The following NPAS3 variants were observed in gnomAD, a reference collection of about 807,000 sequenced individuals.
NPAS3 encodes neuronal PAS domain protein 3, also known as neuronal PAS domain-containing protein 3.
In NPAS3, 14 loss-of-function variants were observed where a neutral mutation model predicts 73.1. The ratio of observed to expected loss-of-function variants is 0.19; its 90% confidence interval spans 0.13 to 0.30. The LOEUF (loss-of-function observed/expected upper bound fraction) is 0.30. NPAS3 is among the 10% of genes least tolerant of loss of function. The pLI, the probability that NPAS3 is intolerant of heterozygous loss-of-function variation, is 1.00. For missense variants in NPAS3, 1,096 were observed against 1,250.0 expected, an observed-to-expected ratio of 0.88 and a Z score of 1.86; for synonymous variants, 620 against 541.5, an observed-to-expected ratio of 1.14 and a Z score of -2.01.
chr14:33,768,717 A>C (rs75880787), intron 7 of NPAS3, among the ~76,000 whole-genome samples: 2,482 of 152,314 alleles, frequency 0.016, 69 homozygotes, highest in African/African-American at 0.057. Flanking sequence ...AAGACTTGCC[A>C]AAGTTACCAG....
At chr14:32,998,335 C>T (rs970801249) in intron 1 of NPAS3, among the ~76,000 whole-genome samples, 1 of 152,114 alleles carries the variant, frequency 6.6e-6, no homozygotes, top group Non-Finnish European at 1.5e-5. Flanking sequence ...TAAATCTATA[C>T]AGACAGAACA....
At chr14:33,367,376 G>T in intron 4 of NPAS3, 108 bp downstream of exon 4, 4 of 546,548 alleles carry the variant, frequency 7.3e-6, no homozygotes, top group South Asian at 3.0e-5. Context: ...ATATTTGACT[G>T]TTGTGATTTT....
At chr14:33,056,095 C>G in intron 2 of NPAS3, 101 bp downstream of exon 2, 1 of 502,406 alleles carries the variant, frequency 2.0e-6, no homozygotes, top group South Asian at 3.5e-5. Flanking sequence ...TTCTTTTTAT[C>G]TAATTTAGTG....
chr14:33,650,741 C>CCTCT (rs10658218), intron 5 of NPAS3, among the ~76,000 whole-genome samples: 1,504 of 148,402 alleles, frequency 0.01, 11 homozygotes, highest in Middle Eastern at 0.031. Flanking sequence ...AAAATCTTTT[C>CCTCT]CTCTCTCTCT....
chr14:33,108,321 G>A (rs993252696), intron 2 of NPAS3, among the ~76,000 whole-genome samples: 16 of 151,310 alleles, frequency 1.1e-4, no homozygotes, highest in Admixed American at 3.3e-4. Flanking sequence ...AGCCTCCCAA[G>A]TAGCTGGGAC....
At chr14:33,086,004 C>A (rs2042013350) in intron 2 of NPAS3, among the ~76,000 whole-genome samples, 1 of 152,070 alleles carries the variant, frequency 6.6e-6, no homozygotes, top group South Asian at 2.1e-4. Context: ...TGTCTCTTGG[C>A]ATATTTTACA....
exon 3 of NPAS3, chr14:33,215,374 C>A (rs2047183010): frequency 3.1e-6 from 5 of 1,613,556 alleles, no homozygotes; most frequent in Non-Finnish European, 4.2e-6. Context: ...ACCAGGGGGA[C>A]CCTCCGTGGA....
intron 7 of NPAS3, among the ~76,000 whole-genome samples, chr14:33,757,120 A>T (rs145284969): frequency 6.6e-6 from 1 of 152,332 alleles, no homozygotes; most frequent in East Asian, 1.9e-4. Flanking sequence ...GAGGGAAGTC[A>T]TGGAAGATAA....
chr14:32,972,585 T>G (rs2383414), intron 1 of NPAS3, among the ~76,000 whole-genome samples: 31,121 of 152,020 alleles, frequency 0.2, 3,352 homozygotes, highest in East Asian at 0.37. Context: ...GTTGCCAAAT[T>G]TAAAATGACC....
intron 7 of NPAS3, among the ~76,000 whole-genome samples, chr14:33,758,812 A>G (rs1279847508): frequency 6.6e-6 from 1 of 152,240 alleles, no homozygotes; most frequent in Non-Finnish European, 1.5e-5. Context: ...ATGTCAAGGG[A>G]CACTACCATC....
intron 1 of NPAS3, among the ~76,000 whole-genome samples, chr14:32,989,457 A>C (rs11845146): frequency 0.047 from 7,195 of 152,120 alleles, 431 homozygotes; most frequent in African/African-American, 0.15. Context: ...ATCCTGGCTA[A>C]CACGGTGAAA....
chr14:33,636,254 G>T (rs941951692), intron 5 of NPAS3, among the ~76,000 whole-genome samples: 4 of 152,176 alleles, frequency 2.6e-5, no homozygotes, highest in Non-Finnish European at 5.9e-5. Context: ...CCTGCACAGT[G>T]TCTGCCTGTA....
chr14:33,670,864 A>C (rs2059592327), intron 5 of NPAS3, among the ~76,000 whole-genome samples: 2 of 147,262 alleles, frequency 1.4e-5, no homozygotes, highest in South Asian at 4.5e-4. Context: ...CTGGATGCAG[A>C]AGGACTCCTG....
chr14:33,120,941 G>T (rs1419638478), intron 2 of NPAS3, among the ~76,000 whole-genome samples: 1 of 151,922 alleles, frequency 6.6e-6, no homozygotes, highest in African/African-American at 2.4e-5. Context: ...GTTCGTAATG[G>T]GTCTGTCTTC....
chr14:33,084,398 C>T (rs2041955398), intron 2 of NPAS3, among the ~76,000 whole-genome samples: 1 of 152,168 alleles, frequency 6.6e-6, no homozygotes, highest in Non-Finnish European at 1.5e-5. Flanking sequence ...CAAAGGAAGG[C>T]TTGCATATGA....
intron 3 of NPAS3, among the ~76,000 whole-genome samples, chr14:33,294,456 T>C (rs1020587670): frequency 6.6e-6 from 1 of 152,222 alleles, no homozygotes; most frequent in African/African-American, 2.4e-5. Context: ...TGCTTTGTTA[T>C]ACACTCTCAG....
intron 4 of NPAS3, among the ~76,000 whole-genome samples, chr14:33,496,274 G>C (rs1427625013): frequency 1.3e-5 from 2 of 152,098 alleles, no homozygotes; most frequent in Non-Finnish European, 2.9e-5. Flanking sequence ...GAGGTACAAA[G>C]AGGAGCTGGT....
At chr14:33,080,948 C>T (rs1222813731) in intron 2 of NPAS3, among the ~76,000 whole-genome samples, 10 of 152,240 alleles carry the variant, frequency 6.6e-5, no homozygotes, top group Non-Finnish European at 1.5e-4. Flanking sequence ...TGAAGTGTTT[C>T]CCAGAGGCCG....
chr14:33,304,541 T>C (rs1227463556), intron 3 of NPAS3, among the ~76,000 whole-genome samples: 1 of 151,850 alleles, frequency 6.6e-6, no homozygotes, highest in East Asian at 1.9e-4. Context: ...CCCATTATTT[T>C]CTAAACATAA....
Sources: gnomAD v4.1 joint callset for allele counts (sites outside exome capture counted in the v4.1 genomes callset) on GRCh38, gnomAD v4.1.1 for gene constraint, MANE v1.5 for transcripts, NCBI Gene and HGNC (gene_info 2026-07-23, HGNC 2026-07-21) for gene names.